Variants in ADAMTS20 observed in about 807,000 individuals in gnomAD.
ADAMTS20 encodes ADAM metallopeptidase with thrombospondin type 1 motif 20.
Under a neutral mutation model 260.1 loss-of-function variants are expected in ADAMTS20, and 225 were observed. That is an observed-to-expected ratio of 0.87 (90% CI 0.78 to 0.97). The LOEUF is 0.97. Ranked by LOEUF, ADAMTS20 falls within the 50% of genes least tolerant of loss-of-function variation. ADAMTS20 has a pLI of 0.00. For missense variants in ADAMTS20, 2,400 were observed against 2,337.7 expected (o/e 1.03, Z -0.55); for synonymous variants, 802 against 769.5 (o/e 1.04, Z -0.70).
intron 10 of ADAMTS20, among the ~76,000 whole-genome samples, chr12:43,463,303 T>C (rs1942097949): frequency 6.6e-6 from 1 of 152,222 alleles, no homozygotes; most frequent in South Asian, 2.1e-4. Flanking sequence ...AAGATATCTT[T>C]CTAAAGAACT....
intron 4 of ADAMTS20, among the ~76,000 whole-genome samples, chr12:43,501,461 A>ACGAGCG (rs1942760116): frequency 7.6e-6 from 1 of 131,180 alleles, no homozygotes; most frequent in Admixed American, 7.9e-5. Flanking sequence ...GGAGGGGGAT[A>ACGAGCG]CGCGCGCGCG....
At chr12:43,365,182 A>G (rs1384835783) in intron 37 of ADAMTS20, among the ~76,000 whole-genome samples, 4 of 152,036 alleles carry the variant, frequency 2.6e-5, no homozygotes, top group African/African-American at 4.8e-5. Context: ...AGGAAGGCAA[A>G]ATAAAGACAC....
intron 4 of ADAMTS20, among the ~76,000 whole-genome samples, chr12:43,501,055 CTT>C (rs79075751): frequency 4.8e-5 from 5 of 104,864 alleles, no homozygotes; most frequent in East Asian, 4.1e-4. Flanking sequence ...CTATGTAATT[CTT>C]TTTTTTTTTT....
chr12:43,356,595 T>A lies in ADAMTS20; in HGVS notation c.5539-7A>T. On this transcript the variant is annotated splice_polypyrimidine_tract_variant and splice_region_variant and intron_variant, in intron 37 of 38. Coordinates refer to ENST00000389420, the MANE Select transcript of ADAMTS20 (RefSeq NM_025003.5). ...AATTAATGCTAAACTGTCCCTGGATTGTAAATAAAACAAAGAAAAATAGAT... is the reference window on the plus strand; with the variant it reads ...AATTAATGCTAAACTGTCCCTGGATAGTAAATAAAACAAAGAAAAATAGAT... The A allele has an allele frequency of 6.3e-7, 1 of 1,595,192 alleles. No individual in the cohort carries two copies. The highest frequency in any genetic ancestry group is 8.6e-7 in the Non-Finnish European group (1 of 1,168,512).
chr12:43,405,616 C>A (rs1441967875), intron 28 of ADAMTS20, among the ~76,000 whole-genome samples: 1 of 151,614 alleles, frequency 6.6e-6, no homozygotes, highest in Non-Finnish European at 1.5e-5. Context: ...CATTTTTCTC[C>A]CTCAACCATT....
intron 28 of ADAMTS20, among the ~76,000 whole-genome samples, chr12:43,411,570 G>A (rs1383801475): frequency 3.3e-5 from 5 of 151,976 alleles, no homozygotes; most frequent in African/African-American, 1.2e-4. Context: ...GTTTCACTAT[G>A]TTGACCAGGC....
intron 3 of ADAMTS20, among the ~76,000 whole-genome samples, chr12:43,506,568 T>C (rs1322686603): frequency 6.6e-6 from 1 of 151,832 alleles, no homozygotes; most frequent in Non-Finnish European, 1.5e-5. Context: ...CAACCTCCGC[T>C]TCTCGGCTTC....
At chr12:43,362,606 AT>A (rs1215567596) in intron 37 of ADAMTS20, among the ~76,000 whole-genome samples, 1 of 152,162 alleles carries the variant, frequency 6.6e-6, no homozygotes, top group East Asian at 1.9e-4. Context: ...ACTGGTGAAA[AT>A]GATAACTATA....
intron 2 of ADAMTS20, among the ~76,000 whole-genome samples, chr12:43,542,535 T>G (rs1380918529): frequency 1.3e-5 from 2 of 152,208 alleles, no homozygotes; most frequent in Admixed American, 1.3e-4. Flanking sequence ...CATGTGTTAT[T>G]TCTTGTATTT....
intron 16 of ADAMTS20, among the ~76,000 whole-genome samples, chr12:43,442,327 A>C (rs1429444979): frequency 6.7e-6 from 1 of 150,184 alleles, no homozygotes; most frequent in Non-Finnish European, 1.5e-5. Flanking sequence ...ACACAATTTC[A>C]GCTCACTGCA....
chr12:43,493,260 G>C lies in ADAMTS20; in HGVS notation c.868-7C>G, dbSNP rs778565835. 2.0e-6 allele frequency: 3 copies of C among 1,527,658 alleles called. No individual in the cohort carries two copies. The highest frequency in any genetic ancestry group is 4.8e-5 in the East Asian group (2 of 41,462). The allele number at this position is 1,527,658 out of a possible 1,614,324, so 94.6% of individuals were successfully genotyped here. A position where few individuals can be genotyped will look rare whatever the true frequency, so the allele number is the denominator to read the frequency against. On this transcript the variant is annotated splice_region_variant and splice_polypyrimidine_tract_variant and intron_variant, in intron 4 of 38. Transcript: ENST00000389420. ...CTTTGTAGATTGTTGCAACCTGCAT[G>C]TAAAAAAAATGTAGGATTAGTTGTT...
intron 3 of ADAMTS20, among the ~76,000 whole-genome samples, chr12:43,523,963 C>G (rs531520646): frequency 2.4e-4 from 36 of 151,788 alleles, no homozygotes; most frequent in Non-Finnish European, 3.7e-4. Flanking sequence ...AGTACCTCCC[C>G]TGGGTAACAT....
chr12:43,522,105 G>T (rs1943079816), intron 3 of ADAMTS20, among the ~76,000 whole-genome samples: 1 of 152,200 alleles, frequency 6.6e-6, no homozygotes, highest in South Asian at 2.1e-4. Flanking sequence ...ATAAAGGAAA[G>T]AGGTTTAATT....
intron 28 of ADAMTS20, among the ~76,000 whole-genome samples, chr12:43,403,818 CAGAT>C (rs1257289380): frequency 1.3e-5 from 2 of 152,062 alleles, no homozygotes; most frequent in Non-Finnish European, 2.9e-5. Flanking sequence ...GAAGATGAGA[CAGAT>C]AGAGAAGAGA....
At chr12:43,384,282 C>G (rs559446546) in intron 29 of ADAMTS20, among the ~76,000 whole-genome samples, 3 of 152,206 alleles carry the variant, frequency 2.0e-5, no homozygotes, top group African/African-American at 7.2e-5. Context: ...ATAAAAATTA[C>G]CACACAATTA....
In ADAMTS20 at chr12:43,428,672, G is replaced by A. The variant is rs773111891; in HGVS notation, c.3617C>T (p.Thr1206Ile). ...PRPAEIWDCF[T>I]PCGEWQAGDW... The stretch of plus-strand genomic sequence containing the variant: ...CCCTGCTTGCCACTCTCCACAAGGG[G>A]TAAAACAGTCCCATATTTCAGCAGG... Residue 1206 changes from threonine (T) to isoleucine (I), a missense_variant, in exon 25 of 39, where the codon ACC becomes ATC. Physicochemically the swap from Thr to Ile is moderately conservative, Grantham distance 89 (BLOSUM62 -1). Transcript: ENST00000389420. The A allele has an allele frequency of 3.1e-6, 5 of 1,609,904 alleles. No homozygotes were observed. Among genetic ancestry groups the A allele is most frequent in the Admixed American group, 1.7e-5 (1 of 59,768 alleles).
chr12:43,445,667 G>C (rs1941746176), intron 15 of ADAMTS20, among the ~76,000 whole-genome samples: 1 of 138,136 alleles, frequency 7.2e-6, no homozygotes, highest in Non-Finnish European at 1.5e-5. Flanking sequence ...AATACATTGA[G>C]ACCCATCTCT....
intron 37 of ADAMTS20, among the ~76,000 whole-genome samples, chr12:43,368,282 C>T (rs1940030932): frequency 6.6e-6 from 1 of 152,034 alleles, no homozygotes; most frequent in Admixed American, 6.6e-5. Context: ...CACTCCCTGA[C>T]CTAAAGGAGT....
At chr12:43,536,240 G>A (rs1367971639) in intron 2 of ADAMTS20, among the ~76,000 whole-genome samples, 1 of 152,106 alleles carries the variant, frequency 6.6e-6, no homozygotes, top group Non-Finnish European at 1.5e-5. Context: ...GTAAGTGGCG[G>A]TATCAAGATA....
Sources: gnomAD v4.1 joint callset for allele counts (sites outside exome capture counted in the v4.1 genomes callset) on GRCh38, gnomAD v4.1.1 for gene constraint, MANE v1.5 for transcripts, NCBI Gene and HGNC (gene_info 2026-07-23, HGNC 2026-07-21) for gene names.